The following ATOSB variants were observed in gnomAD, a reference collection of about 807,000 sequenced individuals.
ATOSB encodes atos homolog protein B.
At chr9:35,111,752 G>A in the ATOSB span, among the ~76,000 whole-genome samples, 3 of 152,158 alleles carry the variant, frequency 2.0e-5, no homozygotes, top group South Asian at 2.1e-4. Context: ...CCTCCAAGAG[G>A]CACACGCCTA....
the ATOSB span, chr9:35,105,348 A>AAGC: frequency 6.2e-7 from 1 of 1,613,614 alleles, no homozygotes; most frequent in Non-Finnish European, 8.5e-7. This position sits in a 1 kb window ranked among gnomAD's most constrained non-coding sequence, Gnocchi z 5.5. Context: ...ATGCAGGCTT[A>AAGC]AGCGGCCTGA....
the ATOSB span, chr9:35,104,948 T>G: frequency 3.1e-6 from 1 of 319,558 alleles, no homozygotes; most frequent in Admixed American, 4.8e-5. Context: ...GCCTGGGAAC[T>G]TGAGAAAATC....
chr9:35,105,478 G>A, the ATOSB span: 1 of 1,401,394 alleles, frequency 7.1e-7, no homozygotes, highest in Non-Finnish European at 9.7e-7. The surrounding 1 kb of genome is among the most constrained non-coding windows in gnomAD (Gnocchi z 5.5). Flanking sequence ...GACTGCTTGA[G>A]CCCAGGAGTT....
the ATOSB span, chr9:35,107,665 C>T: frequency 4.4e-6 from 7 of 1,608,944 alleles, no homozygotes; most frequent in Admixed American, 1.0e-4. Flanking sequence ...TTGCCCACCC[C>T]AGCCACTGGG....
At chr9:35,107,764 G>C in the ATOSB span, 1 of 1,566,308 alleles carries the variant, frequency 6.4e-7, no homozygotes, top group East Asian at 2.3e-5. Context: ...GACTCCCCCA[G>C]GGACCCCTGT....
At chr9:35,107,398 G>A in the ATOSB span, 1 of 1,613,742 alleles carries the variant, frequency 6.2e-7, no homozygotes, top group Non-Finnish European at 8.5e-7. Context: ...GGCTCTTTGG[G>A]CCCAGGCAGC....
the ATOSB span, chr9:35,108,782 C>A: frequency 1.4e-6 from 1 of 706,682 alleles, no homozygotes; most frequent in Non-Finnish European, 1.7e-6. Flanking sequence ...CTGGAGCCAG[C>A]GGTAAGGCCT....
the ATOSB span, chr9:35,105,272 C>T: frequency 1.2e-6 from 2 of 1,614,068 alleles, no homozygotes; most frequent in South Asian, 2.2e-5. This position sits in a 1 kb window ranked among gnomAD's most constrained non-coding sequence, Gnocchi z 5.5. Flanking sequence ...TCACAGCCTG[C>T]AGTTCGTAGG....
chr9:35,108,230 C>T, the ATOSB span: 1 of 1,579,914 alleles, frequency 6.3e-7, no homozygotes, highest in Non-Finnish European at 8.6e-7. Flanking sequence ...AAGGGCCAGC[C>T]TCCGGCTCTG....
At chr9:35,111,721 C>T in the ATOSB span, 3 of 152,428 alleles carry the variant, frequency 2.0e-5, no homozygotes, top group Admixed American at 1.3e-4. Context: ...CTCCCCGCGA[C>T]CTCAAGTGCG....
At chr9:35,106,596 G>C in the ATOSB span, 21 of 1,565,922 alleles carry the variant, frequency 1.3e-5, no homozygotes, top group Non-Finnish European at 1.7e-5. The surrounding 1 kb of genome is among the most constrained non-coding windows in gnomAD (Gnocchi z 4.6). Flanking sequence ...GGAGGCACTG[G>C]GGGGGCTCAG....
chr9:35,104,665 A>T, the ATOSB span: 1 of 404,302 alleles, frequency 2.5e-6, no homozygotes, highest in Non-Finnish European at 5.2e-6. Context: ...GGACAGGGGA[A>T]GCTGAGTCTT....
chr9:35,114,114 G>A, the ATOSB span, among the ~76,000 whole-genome samples: 33 of 152,280 alleles, frequency 2.2e-4, no homozygotes, highest in African/African-American at 7.2e-4. Context: ...CCAGGCATTC[G>A]AATGCTCTGC....
At chr9:35,104,811 G>A in the ATOSB span, 1 of 178,120 alleles carries the variant, frequency 5.6e-6, no homozygotes, top group Non-Finnish European at 1.3e-5. Flanking sequence ...AAGCGGGGAG[G>A]AGTGATGCCA....
the ATOSB span, among the ~76,000 whole-genome samples, chr9:35,112,047 C>A: frequency 6.6e-6 from 1 of 152,324 alleles, no homozygotes; most frequent in South Asian, 2.1e-4. Flanking sequence ...TGTCTTTCCC[C>A]ACCTTCCAAA....
At chr9:35,105,152 C>A in the ATOSB span, 8 of 1,507,002 alleles carry the variant, frequency 5.3e-6, no homozygotes, top group Non-Finnish European at 7.2e-6. This position sits in a 1 kb window ranked among gnomAD's most constrained non-coding sequence, Gnocchi z 5.5. Flanking sequence ...GCTGTCTCTC[C>A]ATATATGTTC....
At chr9:35,111,393 TG>T in the ATOSB span, 2 of 156,822 alleles carry the variant, frequency 1.3e-5, no homozygotes, top group Non-Finnish European at 2.8e-5. Context: ...AGACAAAGGG[TG>T]GCTCAGGCTG....
the ATOSB span, among the ~76,000 whole-genome samples, chr9:35,112,971 C>T: frequency 6.6e-6 from 1 of 152,110 alleles, no homozygotes; most frequent in African/African-American, 2.4e-5. Context: ...CTTACCTCAC[C>T]CTAGACCACC....
chr9:35,107,758 C>T, the ATOSB span: 21 of 1,564,830 alleles, frequency 1.3e-5, no homozygotes, highest in Non-Finnish European at 1.8e-5. Flanking sequence ...CCTGGGGACT[C>T]CCCCAGGGAC....
Sources: allele counts gnomAD v4.1 joint callset (sites outside exome capture counted in the v4.1 genomes callset), GRCh38; gene constraint gnomAD v4.1.1; non-coding constraint Gnocchi (gnomAD v3.1); transcripts MANE v1.5; gene names NCBI Gene and HGNC (gene_info 2026-07-23, HGNC 2026-07-21).